Variants in PIK3C2A observed in about 807,000 individuals in gnomAD.
The protein encoded by PIK3C2A is phosphatidylinositol-4-phosphate 3-kinase catalytic subunit type 2 alpha.
PIK3C2A carries 97 observed loss-of-function variants against 204.5 expected under a neutral mutation model. The observed-to-expected ratio is 0.47, with a 90% CI of 0.40 to 0.56. The LOEUF (loss-of-function observed/expected upper bound fraction) is 0.56, where lower values mean the gene tolerates loss of function less well. Among genes scored for constraint, PIK3C2A ranks in the 20% least tolerant of loss-of-function variants. PIK3C2A has a pLI of 0.00. For missense variants in PIK3C2A, 1,735 were observed against 1,969.2 expected (o/e 0.88, Z 2.25); for synonymous variants, 653 against 664.4 (o/e 0.98, Z 0.26).
At chr11:17,176,336 T>C (rs1851340684) in intron 1 of PIK3C2A, among the ~76,000 whole-genome samples, 1 of 151,804 alleles carries the variant, frequency 6.6e-6, no homozygotes, top group Non-Finnish European at 1.5e-5. Context: ...CCATTAAAAA[T>C]AAAATCATGG....
chr11:17,154,526 G>GA (rs1287056045), intron 3 of PIK3C2A, among the ~76,000 whole-genome samples: 1 of 152,094 alleles, frequency 6.6e-6, no homozygotes, highest in Admixed American at 6.6e-5. Flanking sequence ...GCTGGATTCA[G>GA]AAAAAAATCT....
intron 11 of PIK3C2A, among the ~76,000 whole-genome samples, chr11:17,133,220 C>G (rs1849756776): frequency 6.6e-6 from 1 of 151,858 alleles, no homozygotes; most frequent in South Asian, 2.1e-4. Context: ...ATTTGTTCAC[C>G]TCATTAGTGT....
intron 18 of PIK3C2A, among the ~76,000 whole-genome samples, chr11:17,118,237 A>G (rs1256397798): frequency 6.6e-6 from 1 of 151,676 alleles, no homozygotes; most frequent in African/African-American, 2.4e-5. Flanking sequence ...ATGTTCGGCT[A>G]ATTTTTTATA....
At chr11:17,193,279 C>A (rs1307152135) in intron 1 of PIK3C2A, among the ~76,000 whole-genome samples, 1 of 152,186 alleles carries the variant, frequency 6.6e-6, no homozygotes, top group Non-Finnish European at 1.5e-5. Context: ...CCAATAAAAA[C>A]TATCCTGAAA....
In PIK3C2A at chr11:17,128,233, CCTT is replaced by C. The variant is rs564957175; in HGVS notation, c.2399+1064_2399+1066del. The stretch of plus-strand genomic sequence containing the variant: ...CAAAGCTTTAGGGATGCTTTTTTCT[CCTT>C]TTTTTTTTTAATTTTTCTTTTAGAA... On this transcript the variant is annotated intron_variant, in intron 13 of 32. Coordinates refer to ENST00000691414, the MANE Select transcript of PIK3C2A (RefSeq NM_002645.4). Among the ~76,000 whole-genome samples, 413 of 98,934 alleles carry C rather than the reference CCTT, an allele frequency of 4.2e-3. 1 individual carries two copies. Among genetic ancestry groups the C allele is most frequent in the Non-Finnish European group, 5.6e-3 (266 of 47,204 alleles). 64.9% of individuals were successfully genotyped at this position (98,934 alleles called of 152,430 possible).
rs537739986 is a variant in PIK3C2A, at chr11:17,102,645, C to G, written c.3851+17G>C. The G allele has an allele frequency of 5.1e-6, 8 of 1,563,182 alleles. No homozygotes were observed. Among genetic ancestry groups the G allele is most frequent in the Non-Finnish European group, 6.9e-6 (8 of 1,152,386 alleles). ...AGGAAGTGCCTCATTTCTTTGGCAA[C>G]AGCAATAACATTATACCTTTTGAAG... On this transcript the variant is annotated intron_variant, in intron 24 of 32. Transcript: ENST00000691414.
At chr11:17,202,259 G>GAAA (rs551023337) in intron 1 of PIK3C2A, among the ~76,000 whole-genome samples, 1 of 92,856 alleles carries the variant, frequency 1.1e-5, no homozygotes, top group Non-Finnish European at 2.1e-5. Flanking sequence ...TTCATCTCCA[G>GAAA]AAAAAAAAAA....
At chr11:17,174,363 G>A (rs1851271542) in intron 1 of PIK3C2A, among the ~76,000 whole-genome samples, 1 of 88,152 alleles carries the variant, frequency 1.1e-5, no homozygotes, top group Admixed American at 1.3e-4. Flanking sequence ...CGAGGCGGGC[G>A]GATCACGAGG....
rs983220091 is a variant in PIK3C2A, at chr11:17,158,825, T to C, written c.1066-3196A>G. Among the ~76,000 whole-genome samples the C allele has an allele frequency of 1.3e-5, 2 of 152,220 alleles. 1 individual carries two copies. The highest frequency in any genetic ancestry group is 1.3e-4 in the Admixed American group (2 of 15,280). Reference sequence around the variant, plus strand: ...ATAATAATAGTTGTATTTTTTGCTGTGTCTCTCGTGAATTAGGTCTTTCCT... The same window carrying C: ...ATAATAATAGTTGTATTTTTTGCTGCGTCTCTCGTGAATTAGGTCTTTCCT... On this transcript the variant is annotated intron_variant, in intron 2 of 32. Coordinates refer to ENST00000691414, the MANE Select transcript of PIK3C2A (RefSeq NM_002645.4).
chr11:17,118,092 G>A (rs1262231672), intron 18 of PIK3C2A, among the ~76,000 whole-genome samples: 9 of 129,260 alleles, frequency 7.0e-5, no homozygotes, highest in South Asian at 4.8e-4. Flanking sequence ...TTTTTTTTGA[G>A]ACCAGGTCTG....
rs1386485103 is a variant in PIK3C2A at position 17,135,149 on chromosome 11, AAAG to A, written c.1856_1858del (p.Ser619del). ...CCTGCTAGTGTCTTCTCCTCCAAACAAAGAAGTCACCTACACATGCACACACAC... is the reference window on the plus strand; with the variant it reads ...CCTGCTAGTGTCTTCTCCTCCAAACAAAGTCACCTACACATGCACACACAC... On this transcript the variant is annotated inframe_deletion, in exon 10 of 33. Coordinates refer to ENST00000691414, the MANE Select transcript of PIK3C2A (RefSeq NM_002645.4). The A allele has an allele frequency of 3.1e-6, 5 of 1,613,982 alleles. No homozygotes were observed. The highest frequency in any genetic ancestry group is 1.3e-5 in the African/African-American group (1 of 74,924).
At chr11:17,099,165 G>C (rs987967091) in intron 26 of PIK3C2A, among the ~76,000 whole-genome samples, 1 of 152,178 alleles carries the variant, frequency 6.6e-6, no homozygotes, top group Non-Finnish European at 1.5e-5. Flanking sequence ...AAAGTGCTGG[G>C]ATTACAGGCG....
chr11:17,127,266 G>A (rs1251549573), intron 13 of PIK3C2A, among the ~76,000 whole-genome samples: 2 of 151,944 alleles, frequency 1.3e-5, no homozygotes, highest in African/African-American at 2.4e-5. Context: ...CAAATAGGGG[G>A]GAAGCGACTA....
At chr11:17,194,635 C>T (rs1376993749) in intron 1 of PIK3C2A, among the ~76,000 whole-genome samples, 3 of 152,138 alleles carry the variant, frequency 2.0e-5, no homozygotes, top group Non-Finnish European at 4.4e-5. Flanking sequence ...TCTAGCCTGG[C>T]GCAGTGGCTC....
intron 1 of PIK3C2A, among the ~76,000 whole-genome samples, chr11:17,182,450 C>T (rs1476842762): frequency 6.6e-6 from 1 of 151,782 alleles, no homozygotes; most frequent in African/African-American, 2.4e-5. Context: ...GCCTGTAGTC[C>T]CAGCTACTCT....
intron 19 of PIK3C2A, 56 bp downstream of exon 19, chr11:17,117,435 A>T: frequency 8.0e-7 from 1 of 1,251,974 alleles, no homozygotes; most frequent in Non-Finnish European, 1.1e-6. Flanking sequence ...AGTCAGCACC[A>T]TAAAGATCCT....
chr11:17,099,927 A>C lies in PIK3C2A; in HGVS notation c.4051T>G (p.Leu1351Val), dbSNP rs1848568280. 3 of 1,596,210 alleles carry C rather than the reference A, an allele frequency of 1.9e-6. No homozygotes were observed. The highest frequency in any genetic ancestry group is 2.6e-6 in the Non-Finnish European group (3 of 1,164,152). The change falls in exon 26 of 33, where the codon TTG (leucine) becomes GTG (valine). Residue 1351 changes from leucine to valine, a missense_variant. Around this residue, in one of 6 missense-constraint regions of PIK3C2A, gnomAD observed 503 missense variants for 669.0 expected, o/e 0.75. Transcript: ENST00000691414. ...TGAAGTGCATCTCTAACGTATTTCA[A>C]ATCTTGAATACTTGTAAGTTCTGGT... ...GLPELTSIQD[L>V]KYVRDALQPQ...
At chr11:17,198,295 A>G (rs1023653845) in intron 1 of PIK3C2A, among the ~76,000 whole-genome samples, 1 of 151,958 alleles carries the variant, frequency 6.6e-6, no homozygotes, top group African/African-American at 2.4e-5. Context: ...TTTTTAGTAG[A>G]GACAGGGTTT....
At chr11:17,097,742 T>C (rs567150296) in intron 26 of PIK3C2A, among the ~76,000 whole-genome samples, 3 of 152,218 alleles carry the variant, frequency 2.0e-5, no homozygotes, top group African/African-American at 7.2e-5. Flanking sequence ...GGCAAAACCC[T>C]GACTCTACTA....
Sources: allele counts gnomAD v4.1 joint callset (sites outside exome capture counted in the v4.1 genomes callset), GRCh38; gene constraint gnomAD v4.1.1; regional missense constraint gnomAD v4.1.1; transcripts MANE v1.5; gene names NCBI Gene and HGNC (gene_info 2026-07-23, HGNC 2026-07-21).